The following ANKS1B variants were observed in gnomAD, a reference collection of about 807,000 sequenced individuals.
ANKS1B encodes ankyrin repeat and sterile alpha motif domain-containing protein 1B.
ANKS1B carries 36 observed loss-of-function variants against 148.3 expected under a neutral mutation model. The ratio of observed to expected loss-of-function variants is 0.24; its 90% CI spans 0.19 to 0.32. ANKS1B has a LOEUF of 0.32. Ranked by LOEUF, ANKS1B falls within the 10% of genes least tolerant of loss-of-function variation. The pLI, the probability that ANKS1B is intolerant of heterozygous loss-of-function variation, is 1.00. For synonymous variants in ANKS1B, 542 were observed against 560.8 expected (o/e 0.97, Z 0.47); for missense variants, 1,157 against 1,542.6 (o/e 0.75, Z 4.19).
At chr12:99,384,994 C>T (rs1311292725) in intron 12 of ANKS1B, among the ~76,000 whole-genome samples, 1 of 151,942 alleles carries the variant, frequency 6.6e-6, no homozygotes, top group Non-Finnish European at 1.5e-5. Flanking sequence ...GATAATACAC[C>T]TAATTTTTGT....
intron 17 of ANKS1B, among the ~76,000 whole-genome samples, chr12:98,984,715 T>C (rs1392302707): frequency 6.6e-6 from 1 of 152,126 alleles, no homozygotes; most frequent in Non-Finnish European, 1.5e-5. Flanking sequence ...TCCTTATATT[T>C]TAATGGGTTT....
chr12:99,942,005 A>G (rs1437171027), intron 1 of ANKS1B, among the ~76,000 whole-genome samples: 1 of 152,162 alleles, frequency 6.6e-6, no homozygotes, highest in Non-Finnish European at 1.5e-5. Flanking sequence ...GAACTGGAGG[A>G]CAGAGCACAG....
At chr12:99,978,081 A>T (rs545742976) in intron 1 of ANKS1B, among the ~76,000 whole-genome samples, 17 of 152,318 alleles carry the variant, frequency 1.1e-4, no homozygotes, top group Admixed American at 1.0e-3. Context: ...AATTTTCCAA[A>T]ATTACCTCAA....
chr12:99,052,734 C>CAAAAAAAAAAA (rs56965572), intron 17 of ANKS1B, among the ~76,000 whole-genome samples: 3 of 26,010 alleles, frequency 1.2e-4, no homozygotes, highest in African/African-American at 1.9e-4. Flanking sequence ...GACTCCGTCT[C>CAAAAAAAAAAA]AAAAAAAAAA....
chr12:99,132,617 G>C (rs1180371927), intron 15 of ANKS1B, among the ~76,000 whole-genome samples: 1 of 152,168 alleles, frequency 6.6e-6, no homozygotes, highest in Admixed American at 6.5e-5. Flanking sequence ...GCCAAAAAAA[G>C]GGGGGCTTGA....
intron 12 of ANKS1B, among the ~76,000 whole-genome samples, chr12:99,273,991 A>G (rs1362336606): frequency 2.0e-5 from 3 of 152,134 alleles, no homozygotes; most frequent in African/African-American, 4.8e-5. Context: ...AAGATTGGAC[A>G]TTGCTGCTCT....
chr12:99,633,481 T>C (rs1392862965), intron 9 of ANKS1B, among the ~76,000 whole-genome samples: 2 of 152,094 alleles, frequency 1.3e-5, no homozygotes, highest in Non-Finnish European at 2.9e-5. Context: ...ATACAAAAAT[T>C]AATTCGAGAT....
chr12:98,907,703 C>T (rs941616712), intron 17 of ANKS1B, among the ~76,000 whole-genome samples: 10 of 152,128 alleles, frequency 6.6e-5, no homozygotes, highest in African/African-American at 2.4e-4. Flanking sequence ...TGTCCCCACC[C>T]AAATCTCATC....
intron 1 of ANKS1B, among the ~76,000 whole-genome samples, chr12:99,933,504 T>G (rs1011845360): frequency 6.6e-6 from 1 of 152,022 alleles, no homozygotes; most frequent in Non-Finnish European, 1.5e-5. Context: ...TTCCTGGGTA[T>G]TTTTTTATGA....
At chr12:99,666,857 G>GGGGT (rs1555536181) in intron 8 of ANKS1B, among the ~76,000 whole-genome samples, 33 of 132,536 alleles carry the variant, frequency 2.5e-4, no homozygotes, top group South Asian at 4.6e-4. Context: ...GTTACTATGG[G>GGGGT]GTGTGTGTGT....
intron 10 of ANKS1B, among the ~76,000 whole-genome samples, chr12:99,475,586 A>C (rs1344981704): frequency 6.6e-6 from 1 of 151,826 alleles, no homozygotes; most frequent in East Asian, 1.9e-4. Flanking sequence ...ACATAAAATT[A>C]AATTCCATTT....
At chr12:99,736,139 C>T (rs1024882656) in intron 8 of ANKS1B, among the ~76,000 whole-genome samples, 1 of 151,938 alleles carries the variant, frequency 6.6e-6, no homozygotes, top group Non-Finnish European at 1.5e-5. Context: ...ATATGATAAA[C>T]CCACAGCTAA....
At chr12:99,315,189 G>A (rs1372826644) in intron 12 of ANKS1B, among the ~76,000 whole-genome samples, 1 of 150,730 alleles carries the variant, frequency 6.6e-6, no homozygotes, top group African/African-American at 2.4e-5. Flanking sequence ...GCAGTGAGCC[G>A]AGATTGTGCC....
chr12:98,855,212 T>C (rs1270376237), intron 17 of ANKS1B, among the ~76,000 whole-genome samples: 2 of 151,884 alleles, frequency 1.3e-5, no homozygotes, highest in Non-Finnish European at 2.9e-5. Flanking sequence ...TCCTTACAAA[T>C]TCCCTTCTTG....
chr12:99,859,622 A>G (rs1415993320), intron 1 of ANKS1B, among the ~76,000 whole-genome samples: 2 of 152,012 alleles, frequency 1.3e-5, no homozygotes, highest in African/African-American at 4.8e-5. Context: ...AAAGCATATA[A>G]AAACTGTTGA....
At chr12:99,370,503 T>C (rs539861877) in intron 12 of ANKS1B, among the ~76,000 whole-genome samples, 26 of 152,228 alleles carry the variant, frequency 1.7e-4, no homozygotes, top group Admixed American at 1.5e-3. Flanking sequence ...CTAGAATCTC[T>C]TTAAAAGACA....
At chr12:99,726,894 G>A (rs1196600113) in intron 8 of ANKS1B, among the ~76,000 whole-genome samples, 4 of 152,036 alleles carry the variant, frequency 2.6e-5, no homozygotes, top group Non-Finnish European at 5.9e-5. Context: ...ATAACCACAC[G>A]ATTATCTCAA....
intron 9 of ANKS1B, among the ~76,000 whole-genome samples, chr12:99,538,387 T>G (rs999249605): frequency 1.3e-5 from 2 of 152,186 alleles, no homozygotes; most frequent in Non-Finnish European, 2.9e-5. Flanking sequence ...TTCCAATCCA[T>G]GAACACGGAA....
intron 9 of ANKS1B, chr12:99,649,335 T>C: frequency 2.5e-6 from 4 of 1,614,188 alleles, no homozygotes; most frequent in South Asian, 2.2e-5. Flanking sequence ...TCAGAATCAG[T>C]AGACTTCACA....
Sources: allele counts gnomAD v4.1 joint callset (sites outside exome capture counted in the v4.1 genomes callset), GRCh38; gene constraint gnomAD v4.1.1; transcripts MANE v1.5; gene names NCBI Gene and HGNC (gene_info 2026-07-23, HGNC 2026-07-21).